Variants in RBMS1 observed in about 807,000 individuals in gnomAD.
RBMS1 encodes RNA-binding motif, single-stranded-interacting protein 1.
In RBMS1, 17 loss-of-function variants were observed where a neutral mutation model predicts 62.3. The observed-to-expected ratio is 0.27, with a 90% confidence interval of 0.19 to 0.41. RBMS1 has a LOEUF of 0.41. Ranked by LOEUF, RBMS1 falls within the 10% of genes least tolerant of loss-of-function variation. The pLI, the probability that RBMS1 is intolerant of heterozygous loss-of-function variation, is 1.00. For missense variants in RBMS1, 334 were observed against 504.5 expected (o/e 0.66, Z 3.24); for synonymous variants, 172 against 170.0 (o/e 1.01, Z -0.09).
chr2:160,309,837 G>C lies in RBMS1; in HGVS notation c.402+3319C>G, dbSNP rs908705898. On this transcript the variant is annotated intron_variant, in intron 4 of 13. Transcript: ENST00000348849. ...TGAAGGAAGAGTGAGAAAAACACAAGCTTTGGAAATAGGAAAGAAATGAAT... is the reference window on the plus strand; with the variant it reads ...TGAAGGAAGAGTGAGAAAAACACAACCTTTGGAAATAGGAAAGAAATGAAT... Among the ~76,000 whole-genome samples, 4 of 152,160 alleles carry C rather than the reference G, an allele frequency of 2.6e-5. No individual in the cohort carries two copies. The East Asian group carries it at 5.8e-4, about 22-fold the overall frequency.
intron 2 of RBMS1, among the ~76,000 whole-genome samples, chr2:160,325,883 A>C (rs542626985): frequency 2.0e-5 from 3 of 152,172 alleles, no homozygotes; most frequent in Non-Finnish European, 4.4e-5. Flanking sequence ...TATGACATTT[A>C]CCTCTTTTGC....
At chr2:160,332,554 C>T (rs1465365047) in intron 2 of RBMS1, among the ~76,000 whole-genome samples, 2 of 152,316 alleles carry the variant, frequency 1.3e-5, no homozygotes, top group South Asian at 4.1e-4. Flanking sequence ...CTGTGACTAT[C>T]CTGCTGAATT....
chr2:160,426,218 G>GAAGAAAAAGAAAGA (rs1682566252), intron 1 of RBMS1, among the ~76,000 whole-genome samples: 2 of 48,676 alleles, frequency 4.1e-5, no homozygotes, highest in South Asian at 1.6e-3. Context: ...GAGAGAGACA[G>GAAGAAAAAGAAAGA]AAGAAAGAAA....
intron 2 of RBMS1, among the ~76,000 whole-genome samples, chr2:160,338,344 C>A (rs2105991363): frequency 6.6e-6 from 1 of 152,232 alleles, no homozygotes; most frequent in Admixed American, 6.5e-5. Flanking sequence ...GAGTGTCCAC[C>A]ACCCAATGAT....
chr2:160,439,940 A>C (rs1216037759), intron 1 of RBMS1, among the ~76,000 whole-genome samples: 2 of 151,980 alleles, frequency 1.3e-5, no homozygotes, highest in Non-Finnish European at 2.9e-5. Flanking sequence ...CTGCAATCGC[A>C]GGCACTCGGC....
In RBMS1 at chr2:160,390,253, G is replaced by T. The variant is rs1694789478; in HGVS notation, c.76-22862C>A. ...AGAGCAGGAACTTTAGGAAAAAAAA[G>T]AGATCATCTGCCTGGAAGAGGTAGA... On this transcript the variant is annotated intron_variant, in intron 1 of 13. Coordinates refer to ENST00000348849, the MANE Select transcript of RBMS1 (RefSeq NM_016836.4). Among the ~76,000 whole-genome samples the T allele has an allele frequency of 5.3e-5, 8 of 152,316 alleles. No homozygotes were observed. In the South Asian group the frequency reaches 1.7e-3, roughly 32 times the overall value.
chr2:160,455,753 G>C (rs913745040), intron 1 of RBMS1, among the ~76,000 whole-genome samples: 1 of 143,184 alleles, frequency 7.0e-6, no homozygotes, highest in East Asian at 2.0e-4. Flanking sequence ...GCGCGATCTC[G>C]GCTCACTGCA....
intron 1 of RBMS1, among the ~76,000 whole-genome samples, chr2:160,455,808 C>T (rs896727204): frequency 3.3e-5 from 5 of 151,530 alleles, no homozygotes; most frequent in East Asian, 1.9e-4. Context: ...CTCAGCCTCC[C>T]GAGTAGCTGG....
At chr2:160,309,243 T>C (rs958852805) in intron 4 of RBMS1, among the ~76,000 whole-genome samples, 19 of 152,288 alleles carry the variant, frequency 1.2e-4, no homozygotes, top group Non-Finnish European at 2.4e-4. Flanking sequence ...AGTCTCACCA[T>C]GTGAATTGCT....
chr2:160,404,030 G>A (rs1344829411), intron 1 of RBMS1, among the ~76,000 whole-genome samples: 3 of 152,050 alleles, frequency 2.0e-5, no homozygotes, highest in Non-Finnish European at 4.4e-5. Context: ...TTTCATTTTG[G>A]TTTTTGGGGT....
chr2:160,478,369 C>T (rs6743604), intron 1 of RBMS1, among the ~76,000 whole-genome samples: 18,308 of 152,174 alleles, frequency 0.12, 1,213 homozygotes, highest in East Asian at 0.24. Flanking sequence ...ACAATTGTAC[C>T]TTGCTTTTAC....
intron 6 of RBMS1, among the ~76,000 whole-genome samples, chr2:160,296,932 A>C (rs556770482): frequency 4.6e-5 from 7 of 152,220 alleles, no homozygotes; most frequent in Admixed American, 1.3e-4. Flanking sequence ...ATTTGGGATA[A>C]ATCTTCTTGA....
intron 2 of RBMS1, among the ~76,000 whole-genome samples, chr2:160,345,498 A>T (rs1692126229): frequency 6.6e-6 from 1 of 152,162 alleles, no homozygotes; most frequent in Non-Finnish European, 1.5e-5. Context: ...TTTAAAGATA[A>T]AGAAACAGAA....
At chr2:160,476,359 G>A (rs1471042763) in intron 1 of RBMS1, among the ~76,000 whole-genome samples, 1 of 152,038 alleles carries the variant, frequency 6.6e-6, no homozygotes, top group Non-Finnish European at 1.5e-5. Context: ...TAGGCTAAAA[G>A]CTCATTTTTA....
intron 2 of RBMS1, among the ~76,000 whole-genome samples, chr2:160,330,288 A>G (rs557051258): frequency 3.3e-5 from 5 of 152,334 alleles, no homozygotes; most frequent in African/African-American, 4.8e-5. Flanking sequence ...GTTAGCGGTC[A>G]TGGTGAACAC....
chr2:160,324,528 A>AACAGTAAAAAAAAAAGTG (rs1221307887), intron 2 of RBMS1, among the ~76,000 whole-genome samples: 4 of 152,150 alleles, frequency 2.6e-5, no homozygotes, highest in Admixed American at 2.6e-4. Context: ...TGTTTAAAAC[A>AACAGTAAAAAAAAAAGTG]ACAGTAAAAA....
intron 2 of RBMS1, among the ~76,000 whole-genome samples, chr2:160,323,624 A>AAC (rs1553508010): frequency 6.0e-5 from 9 of 150,768 alleles, no homozygotes; most frequent in East Asian, 1.9e-4. Flanking sequence ...AAAAAAAAAA[A>AAC]AAAAAAACTG....
chr2:160,300,785 C>T (rs997444471), intron 5 of RBMS1, 55 bp from the exon 6 acceptor site: 17 of 1,462,226 alleles, frequency 1.2e-5, no homozygotes, highest in Non-Finnish European at 1.5e-5. Context: ...TAACTTTCAT[C>T]TTGTTCGGTG....
At chr2:160,359,626 C>T (rs1693015152) in intron 2 of RBMS1, among the ~76,000 whole-genome samples, 1 of 152,164 alleles carries the variant, frequency 6.6e-6, no homozygotes, top group East Asian at 1.9e-4. Flanking sequence ...AACACTGGGT[C>T]TGTTGGGCCC....
Sources: gnomAD v4.1 joint callset for allele counts (sites outside exome capture counted in the v4.1 genomes callset) on GRCh38, gnomAD v4.1.1 for gene constraint, MANE v1.5 for transcripts, NCBI Gene and HGNC (gene_info 2026-07-23, HGNC 2026-07-21) for gene names.